The following NSMCE2 variants were observed in gnomAD, a reference collection of about 807,000 sequenced individuals.
The protein encoded by NSMCE2 is E3 SUMO-protein ligase NSE2.
A neutral mutation model predicts 23.8 loss-of-function variants in NSMCE2; 24 were observed. That is an observed-to-expected ratio of 1.01 (90% confidence interval 0.73 to 1.42). The LOEUF (loss-of-function observed/expected upper bound fraction) is 1.42. Ranked by LOEUF, NSMCE2 falls within the 40% of genes most tolerant of loss-of-function variation. NSMCE2 has a pLI of 0.00. For synonymous variants in NSMCE2, 92 were observed against 94.1 expected, an observed-to-expected ratio of 0.98 and a Z score of 0.13; for missense variants, 284 against 296.5, an observed-to-expected ratio of 0.96 and a Z score of 0.31.
chr8:125,315,370 G>T (rs188140907), intron 5 of NSMCE2, among the ~76,000 whole-genome samples: 1 of 152,280 alleles, frequency 6.6e-6, no homozygotes, highest in East Asian at 1.9e-4. Flanking sequence ...GTGAAATGAG[G>T]TGCACTGTAG....
At chr8:125,316,959 G>A (rs1039258697) in intron 5 of NSMCE2, among the ~76,000 whole-genome samples, 16 of 146,758 alleles carry the variant, frequency 1.1e-4, no homozygotes, top group Non-Finnish European at 1.4e-4. Flanking sequence ...TTGGTTTTTC[G>A]TTTTTTTTTT....
rs56906621 is a variant in NSMCE2 at position 125,312,075 on chromosome 8, TAA to T, written c.419-45127_419-45126del. Among the ~76,000 whole-genome samples, 41 of 99,406 alleles carry T rather than the reference TAA, an allele frequency of 4.1e-4. 1 individual carries two copies. The highest frequency in any genetic ancestry group is 2.3e-3 in the South Asian group (7 of 3,052). 65.2% of individuals were successfully genotyped at this position (99,406 alleles called of 152,430 possible). ...AACAAGAGCAAAACTCCATCTCAATTAAAAAAAAAAAAAAAAAAGAAAGAAAA... is the reference window on the plus strand; with the variant it reads ...AACAAGAGCAAAACTCCATCTCAATTAAAAAAAAAAAAAAAAGAAAGAAAA... On this transcript the variant is annotated intron_variant, in intron 5 of 7. Transcript: ENST00000287437.
At chr8:125,311,353 G>A (rs1321116898) in intron 5 of NSMCE2, among the ~76,000 whole-genome samples, 4 of 152,240 alleles carry the variant, frequency 2.6e-5, no homozygotes, top group Admixed American at 6.5e-5. Context: ...AAAAAAATGC[G>A]TAAATTGTAT....
intron 7 of NSMCE2, among the ~76,000 whole-genome samples, chr8:125,366,029 C>G (rs1813775455): frequency 6.6e-6 from 1 of 152,154 alleles, no homozygotes; most frequent in Admixed American, 6.6e-5. Context: ...TGCCTCAGCC[C>G]AGACCACATG....
intron 5 of NSMCE2, among the ~76,000 whole-genome samples, chr8:125,273,955 C>G (rs975714654): frequency 3.6e-4 from 55 of 152,220 alleles, no homozygotes; most frequent in Non-Finnish European, 7.2e-4. Context: ...TAAAGCCTCC[C>G]TCCTCCAGGT....
chr8:125,205,497 T>A (rs1824076503), intron 5 of NSMCE2, among the ~76,000 whole-genome samples: 2 of 152,210 alleles, frequency 1.3e-5, no homozygotes, highest in South Asian at 4.1e-4. Context: ...TTGGTGATGG[T>A]GCATCCCAGG....
intron 3 of NSMCE2, among the ~76,000 whole-genome samples, chr8:125,103,375 T>C (rs371624438): frequency 1.3e-5 from 2 of 149,320 alleles, no homozygotes; most frequent in East Asian, 4.3e-4. Flanking sequence ...ATTTTACACA[T>C]GGAGCCAGAG....
chr8:125,236,466 CATA>C (rs1467334133), intron 5 of NSMCE2, among the ~76,000 whole-genome samples: 6 of 151,622 alleles, frequency 4.0e-5, no homozygotes, highest in Non-Finnish European at 8.8e-5. Flanking sequence ...ATACATTTTA[CATA>C]ATAAGTATAT....
chr8:125,320,183 AAAGAG>A (rs1302320631), intron 5 of NSMCE2, among the ~76,000 whole-genome samples: 1 of 143,276 alleles, frequency 7.0e-6, no homozygotes, highest in Non-Finnish European at 1.5e-5. Context: ...CTCAAAAAAA[AAAGAG>A]AGAGAGAGAG....
intron 5 of NSMCE2, among the ~76,000 whole-genome samples, chr8:125,236,697 A>G (rs1299887282): frequency 6.6e-6 from 1 of 152,180 alleles, no homozygotes; most frequent in African/African-American, 2.4e-5. Context: ...GTCATCATTT[A>G]ATGTGTTTTA....
intron 3 of NSMCE2, among the ~76,000 whole-genome samples, chr8:125,109,782 T>TA (rs1474906747): frequency 6.6e-6 from 1 of 152,172 alleles, no homozygotes; most frequent in African/African-American, 2.4e-5. Flanking sequence ...TTGCCTGTGT[T>TA]ACGTTAGAAT....
intron 5 of NSMCE2, among the ~76,000 whole-genome samples, chr8:125,333,328 C>A (rs1563790598): frequency 1.3e-5 from 2 of 151,466 alleles, no homozygotes; most frequent in African/African-American, 2.4e-5. Flanking sequence ...TGCCACCATG[C>A]CTGGGTAATT....
At chr8:125,161,506 A>C (rs1464714130) in intron 4 of NSMCE2, among the ~76,000 whole-genome samples, 5 of 152,114 alleles carry the variant, frequency 3.3e-5, no homozygotes, top group Non-Finnish European at 7.4e-5. Context: ...TTAAAATTGG[A>C]AACAGTAAAG....
At chr8:125,306,381 A>G (rs1436352350) in intron 5 of NSMCE2, among the ~76,000 whole-genome samples, 1 of 151,654 alleles carries the variant, frequency 6.6e-6, no homozygotes, top group Non-Finnish European at 1.5e-5. Context: ...ACTGAGCAAC[A>G]GCTGTTTTCA....
rs554962465 is a variant in NSMCE2, at chr8:125,346,923, G to T, written c.419-10296G>T. 2.0e-5 allele frequency among the ~76,000 whole-genome samples: 3 copies of T among 152,256 alleles called. No individual in the cohort carries two copies. In the East Asian group the frequency reaches 5.8e-4, roughly 29 times the overall value. On this transcript the variant is annotated intron_variant, in intron 5 of 7. Transcript: ENST00000287437. The stretch of plus-strand genomic sequence containing the variant: ...TATAAGCACATGATAACATGAAAGG[G>T]TATATCTTACTAAAATGTCAGCTCA...
At chr8:125,232,045 AAC>A (rs1420987475) in intron 5 of NSMCE2, among the ~76,000 whole-genome samples, 1 of 152,214 alleles carries the variant, frequency 6.6e-6, no homozygotes, top group Non-Finnish European at 1.5e-5. Flanking sequence ...TATCATCTTG[AAC>A]ATCAGTTGAG....
At chr8:125,094,096 AC>A (rs1239207354) in intron 1 of NSMCE2, among the ~76,000 whole-genome samples, 2 of 151,794 alleles carry the variant, frequency 1.3e-5, no homozygotes, top group African/African-American at 4.8e-5. Context: ...GAGCCACCAC[AC>A]CCAGCCTGAA....
chr8:125,110,940 A>G (rs1818713923), intron 3 of NSMCE2, among the ~76,000 whole-genome samples: 1 of 151,656 alleles, frequency 6.6e-6, no homozygotes, highest in Non-Finnish European at 1.5e-5. Flanking sequence ...GTCTACTTTC[A>G]GTTCTTGTAA....
intron 3 of NSMCE2, among the ~76,000 whole-genome samples, chr8:125,134,105 A>G (rs1819928256): frequency 6.6e-6 from 1 of 152,212 alleles, no homozygotes. Context: ...GTACAAAGCA[A>G]TCATATTCTG....
Sources: gnomAD v4.1 joint callset for allele counts (sites outside exome capture counted in the v4.1 genomes callset) on GRCh38, gnomAD v4.1.1 for gene constraint, MANE v1.5 for transcripts, NCBI Gene and HGNC (gene_info 2026-07-23, HGNC 2026-07-21) for gene names.